The following PRDM7 variants were observed in gnomAD, a reference collection of about 807,000 sequenced individuals.
The protein encoded by PRDM7 is histone-lysine N-methyltransferase PRDM7.
PRDM7 carries 52 observed loss-of-function variants against 64.3 expected under a neutral mutation model. The observed-to-expected ratio is 0.81, with a 90% CI of 0.65 to 1.02. The LOEUF (loss-of-function observed/expected upper bound fraction) is 1.02, where lower values mean the gene tolerates loss of function less well. Ranked by LOEUF, PRDM7 falls within the 50% of genes least tolerant of loss-of-function variation. The pLI, the probability that PRDM7 is intolerant of heterozygous loss-of-function variation, is 0.00. For synonymous variants in PRDM7, 192 were observed against 210.1 expected, an observed-to-expected ratio of 0.91 and a Z score of 0.74; for missense variants, 574 against 597.1, an observed-to-expected ratio of 0.96 and a Z score of 0.40.
intron 1 of PRDM7, 59 bp from the exon 2 acceptor site, chr16:90,076,054 GCT>G (rs1567491000): frequency 1.1e-6 from 1 of 924,858 alleles, no homozygotes; most frequent in Non-Finnish European, 1.7e-6. Context: ...CCAGAACAAG[GCT>G]CTGTCTTCTC....
chr16:90,064,464 A>T (rs1040839470), intron 5 of PRDM7, among the ~76,000 whole-genome samples: 3 of 152,110 alleles, frequency 2.0e-5, no homozygotes, highest in African/African-American at 7.2e-5. Context: ...CCTAGGCTGG[A>T]ATGCAGTGGC....
chr16:90,058,673 C>T (rs1053593936), intron 10 of PRDM7, 139 bp from the exon 11 acceptor site: 1 of 995,444 alleles, frequency 1.0e-6, no homozygotes, highest in Non-Finnish European at 1.6e-6. Flanking sequence ...GCTGGATGGA[C>T]CTTTACAGTC....
Position 90,058,064 on chromosome 16 carries a change from C to A in PRDM7, c.*225G>T. The A allele has an allele frequency of 6.2e-7, 1 of 1,613,080 alleles. No individual in the cohort carries two copies. Among genetic ancestry groups the A allele is most frequent in the South Asian group, 1.1e-5 (1 of 91,068 alleles). On this transcript the variant is annotated 3_prime_UTR_variant, in exon 11 of 11. Transcript: ENST00000449207. ...GTGTGTGTCCTTTGGTGTGTAATAA[C>A]ATCTGACTTATCACTGAAACCTTGC...
intron 4 of PRDM7, 120 bp from the exon 5 acceptor site, chr16:90,067,030 T>G: frequency 1.2e-6 from 1 of 804,274 alleles, no homozygotes; most frequent in South Asian, 1.3e-5. Context: ...AGTGGCACAA[T>G]CTCCCCTCAC....
chr16:90,066,608 A>C (rs1235360631), intron 5 of PRDM7, among the ~76,000 whole-genome samples: 1 of 151,198 alleles, frequency 6.6e-6, no homozygotes, highest in Non-Finnish European at 1.5e-5. Context: ...GAAGTTGAAT[A>C]GGTACTATAT....
In PRDM7 at chr16:90,058,211, C is replaced by T; in HGVS notation, c.*78G>A. Reference sequence around the variant, plus strand: ...GACTCTTCTTCCATCATTCTTTCTCCCACTCTAGAGCTCCCCATTTGTCCT... The same window carrying T: ...GACTCTTCTTCCATCATTCTTTCTCTCACTCTAGAGCTCCCCATTTGTCCT... On this transcript the variant is annotated 3_prime_UTR_variant, in exon 11 of 11. Coordinates refer to ENST00000449207, the MANE Select transcript of PRDM7 (RefSeq NM_001098173.2). 1 of 1,614,192 alleles carries T rather than the reference C, an allele frequency of 6.2e-7. No individual in the cohort carries two copies. Among genetic ancestry groups the T allele is most frequent in the Non-Finnish European group, 8.5e-7 (1 of 1,180,024 alleles).
chr16:90,064,687 T>C (rs2037842291), intron 5 of PRDM7, among the ~76,000 whole-genome samples: 1 of 150,884 alleles, frequency 6.6e-6, no homozygotes, highest in Non-Finnish European at 1.5e-5. Context: ...GTGCTGGGAT[T>C]ATATGTAAGA....
chr16:90,073,989 T>C (rs1313986685), intron 4 of PRDM7, among the ~76,000 whole-genome samples: 3 of 151,856 alleles, frequency 2.0e-5, no homozygotes, highest in African/African-American at 7.2e-5. Flanking sequence ...TTTCACCATG[T>C]TGGCTAGGCT....
chr16:90,060,566 G>A lies in PRDM7; in HGVS notation c.1008C>T (p.His336=). 5.6e-6 allele frequency: 9 copies of A among 1,614,128 alleles called. No homozygotes were observed. The highest frequency in any genetic ancestry group is 7.6e-6 in the Non-Finnish European group (9 of 1,180,000). Residue 336 remains histidine (H), a synonymous_variant, in exon 10 of 11, where the codon CAC becomes CAT. Coordinates refer to ENST00000449207, the MANE Select transcript of PRDM7 (RefSeq NM_001098173.2). ...GGCAGGTTCTATAGAAGATCTGCCTGTGGTACTGGAAGGCCACCAGGTTCT... is the reference window on the plus strand; with the variant it reads ...GGCAGGTTCTATAGAAGATCTGCCTATGGTACTGGAAGGCCACCAGGTTCT... ...EEQNLVAFQY[H]RQIFYRTCRV... is the part of the protein sequence containing the mutation.
At position 90,064,782 on chromosome 16, in the gene PRDM7, G is replaced by A. The variant is rs556575144; in HGVS notation, c.352-1014C>T. ...TGCCTAAGCTGGAGTGCAGTGGCAC[G>A]ATCTCAGCTAACTGCAGCCTCCATC... On this transcript the variant is annotated intron_variant, in intron 5 of 10. Coordinates refer to ENST00000449207, the MANE Select transcript of PRDM7 (RefSeq NM_001098173.2). Among the ~76,000 whole-genome samples, 58 of 150,218 alleles carry A rather than the reference G, an allele frequency of 3.9e-4. 4 individuals are homozygous for A. The highest frequency in any genetic ancestry group is 1.4e-3 in the African/African-American group (55 of 40,158).
intron 10 of PRDM7, among the ~76,000 whole-genome samples, chr16:90,059,292 C>G (rs1341523408): frequency 6.6e-6 from 1 of 152,172 alleles, no homozygotes; most frequent in Non-Finnish European, 1.5e-5. Context: ...AGAATATGCT[C>G]TTTGTCAGGC....
intron 4 of PRDM7, 137 bp from the exon 5 acceptor site, chr16:90,067,047 C>A (rs1342350751): frequency 1.4e-6 from 1 of 701,480 alleles, no homozygotes; most frequent in Non-Finnish European, 2.6e-6. Flanking sequence ...TCACTGCAAC[C>A]TCCGCCTCCC....
In PRDM7 at chr16:90,061,539, G is replaced by C; in HGVS notation, c.883-20C>G. ...GGTGATCTGAGTTTCAAAAAATAAG[G>C]TAAAGACTTTTTAGAGGGTAAAAAT... On this transcript the variant is annotated intron_variant, in intron 8 of 10. Transcript: ENST00000449207. 1 of 1,571,268 alleles carries C rather than the reference G, an allele frequency of 6.4e-7. No individual in the cohort carries two copies. Among genetic ancestry groups the C allele is most frequent in the Non-Finnish European group, 8.8e-7 (1 of 1,141,078 alleles).
intron 9 of PRDM7, among the ~76,000 whole-genome samples, chr16:90,061,227 C>T (rs1282610473): frequency 2.0e-5 from 3 of 152,274 alleles, no homozygotes; most frequent in South Asian, 2.1e-4. Flanking sequence ...CTTGGTGCCT[C>T]AATTTTGTCT....
intron 8 of PRDM7, 66 bp downstream of exon 8, chr16:90,061,849 AGGTGAT>A: frequency 6.3e-7 from 1 of 1,596,444 alleles, no homozygotes; most frequent in Non-Finnish European, 8.6e-7. Context: ...AACATGTAGA[AGGTGAT>A]GTCCCATCAA....
At chr16:90,060,756 G>C in intron 9 of PRDM7, 133 bp from the exon 10 acceptor site, 2 of 1,259,430 alleles carry the variant, frequency 1.6e-6, no homozygotes, top group Admixed American at 3.7e-5. Context: ...CCCAACTCCA[G>C]ACTTACCTCC....
chr16:90,061,657 A>G (rs2037780113), intron 8 of PRDM7, 138 bp from the exon 9 acceptor site: 3 of 1,173,170 alleles, frequency 2.6e-6, no homozygotes, highest in East Asian at 2.4e-5. Context: ...CACCTTAGTC[A>G]TCATCTACAC....
At chr16:90,060,688 A>T (rs2037761074) in intron 9 of PRDM7, 65 bp from the exon 10 acceptor site, 2 of 1,585,596 alleles carry the variant, frequency 1.3e-6, no homozygotes, top group Admixed American at 3.3e-5. Context: ...GGATGACTAC[A>T]ATGCTCATCC....
rs1400724167 is a variant in PRDM7 at position 90,074,770 on chromosome 16, T to C, written c.301+146A>G. 2.5e-5 allele frequency: 19 copies of C among 753,234 alleles called. 1 individual carries two copies. Among genetic ancestry groups the C allele is most frequent in the Non-Finnish European group, 3.9e-5 (18 of 461,760 alleles). 46.7% of individuals were successfully genotyped at this position (753,234 alleles called of 1,614,324 possible). Reference sequence around the variant, plus strand: ...GGCGCATGCCTGTAATCCCAGTTATTTGGGAGGCTGAGGCAGGAGAATCGC... The same window carrying C: ...GGCGCATGCCTGTAATCCCAGTTATCTGGGAGGCTGAGGCAGGAGAATCGC... On this transcript the variant is annotated intron_variant, in intron 4 of 10. Coordinates refer to ENST00000449207, the MANE Select transcript of PRDM7 (RefSeq NM_001098173.2).
Sources: gnomAD v4.1 joint callset for allele counts (sites outside exome capture counted in the v4.1 genomes callset) on GRCh38, gnomAD v4.1.1 for gene constraint, MANE v1.5 for transcripts, NCBI Gene and HGNC (gene_info 2026-07-23, HGNC 2026-07-21) for gene names.